The following CNTNAP4 variants were observed in gnomAD, a reference collection of about 807,000 sequenced individuals.
The protein encoded by CNTNAP4 is contactin associated protein family member 4, also known as contactin-associated protein-like 4.
In CNTNAP4, 98 loss-of-function variants were observed where a neutral mutation model predicts 148.4. The observed-to-expected ratio is 0.66, with a 90% CI of 0.56 to 0.78. The LOEUF is 0.78. Ranked by LOEUF, CNTNAP4 falls within the 30% of genes least tolerant of loss-of-function variation. The pLI is 0.00. For missense variants in CNTNAP4, 1,935 were observed against 1,565.6 expected, an observed-to-expected ratio of 1.24 and a Z score of -3.98; for synonymous variants, 730 against 565.1, an observed-to-expected ratio of 1.29 and a Z score of -4.14.
chr16:76,524,676 G>A (rs1464628931), intron 17 of CNTNAP4, among the ~76,000 whole-genome samples: 1 of 152,066 alleles, frequency 6.6e-6, no homozygotes, highest in East Asian at 1.9e-4. Flanking sequence ...TTTTAATAAG[G>A]ATCTGAAAGA....
intron 3 of CNTNAP4, among the ~76,000 whole-genome samples, chr16:76,359,436 C>G (rs1020567455): frequency 2.0e-5 from 3 of 150,826 alleles, no homozygotes; most frequent in African/African-American, 7.5e-5. Flanking sequence ...TCTTCATTCT[C>G]TCCTCATTTG....
At chr16:76,429,059 A>T (rs373182507) in intron 4 of CNTNAP4, among the ~76,000 whole-genome samples, 1 of 152,202 alleles carries the variant, frequency 6.6e-6, no homozygotes, top group Admixed American at 6.5e-5. Context: ...TGAATAACAG[A>T]GATGAGTCAG....
intron 1 of CNTNAP4, among the ~76,000 whole-genome samples, chr16:76,290,478 G>A (rs1959068411): frequency 6.6e-6 from 1 of 152,174 alleles, no homozygotes; most frequent in African/African-American, 2.4e-5. Flanking sequence ...TGAAGTGGCA[G>A]GCACTCGCTC....
At chr16:76,470,497 A>ATATATATATATATATATAT (rs398119511) in intron 10 of CNTNAP4, among the ~76,000 whole-genome samples, 37 of 137,392 alleles carry the variant, frequency 2.7e-4, no homozygotes, top group African/African-American at 7.5e-4. Flanking sequence ...ATATATATAT[A>ATATATATATATATATATAT]AAATTAGTCG....
intron 21 of CNTNAP4, among the ~76,000 whole-genome samples, chr16:76,542,629 A>C (rs1043582206): frequency 8.5e-5 from 13 of 152,158 alleles, no homozygotes; most frequent in Admixed American, 3.3e-4. Flanking sequence ...CAACCTCTGC[A>C]ATGAGGCAAT....
chr16:76,540,616 CTT>C (rs1195959605), intron 20 of CNTNAP4, 85 bp from the exon 21 acceptor site: 16 of 960,546 alleles, frequency 1.7e-5, no homozygotes, highest in Non-Finnish European at 2.3e-5. Flanking sequence ...CTTAATGTAT[CTT>C]TTTCTCTTGT....
At chr16:76,525,739 T>C (rs1336047688) in intron 17 of CNTNAP4, among the ~76,000 whole-genome samples, 1 of 26,452 alleles carries the variant, frequency 3.8e-5, no homozygotes, top group Non-Finnish European at 7.1e-5. Context: ...AAACTATATA[T>C]TGTATATAAT....
intron 2 of CNTNAP4, among the ~76,000 whole-genome samples, chr16:76,342,117 T>C (rs1295924004): frequency 1.5e-4 from 23 of 152,152 alleles, no homozygotes; most frequent in Non-Finnish European, 2.8e-4. Flanking sequence ...TCAAGAATCA[T>C]GCAAATCAGA....
At chr16:76,345,128 G>T (rs1443360394) in intron 2 of CNTNAP4, among the ~76,000 whole-genome samples, 2 of 152,144 alleles carry the variant, frequency 1.3e-5, no homozygotes, top group East Asian at 1.9e-4. Flanking sequence ...GATACTTCTT[G>T]TTGGCTATTC....
At chr16:76,428,065 T>C (rs1479149343) in intron 4 of CNTNAP4, among the ~76,000 whole-genome samples, 1 of 152,210 alleles carries the variant, frequency 6.6e-6, no homozygotes, top group Admixed American at 6.6e-5. Context: ...AAATGTGCTA[T>C]GCTGTCAGTA....
intron 3 of CNTNAP4, among the ~76,000 whole-genome samples, chr16:76,405,886 A>T (rs761474549): frequency 5.3e-5 from 8 of 152,224 alleles, no homozygotes; most frequent in Admixed American, 4.6e-4. Flanking sequence ...ATCAATCTCA[A>T]TTACTAAATG....
At chr16:76,501,223 A>G (rs572752689) in intron 15 of CNTNAP4, among the ~76,000 whole-genome samples, 1 of 152,354 alleles carries the variant, frequency 6.6e-6, no homozygotes, top group Admixed American at 6.5e-5. Flanking sequence ...ATTATGTGCA[A>G]AGAGATGAGG....
At chr16:76,481,649 G>A (rs533423275) in intron 12 of CNTNAP4, among the ~76,000 whole-genome samples, 2 of 152,158 alleles carry the variant, frequency 1.3e-5, no homozygotes, top group South Asian at 4.1e-4. Context: ...ACAATGAACA[G>A]TGTTAGAAGT....
rs1265694290 is a variant in CNTNAP4, at chr16:76,559,550, AATT to A, written c.*874_*876del. On this transcript the variant is annotated 3_prime_UTR_variant, in exon 24 of 24. Transcript: ENST00000611870. ...AAAAAAAATTCTTAACACAGCAAAA[AATT>A]ATTATTTAATTTACAACTGTAATAC... Among the ~76,000 whole-genome samples the A allele has an allele frequency of 6.6e-6, 1 of 152,182 alleles. No individual in the cohort carries two copies. Among genetic ancestry groups the A allele is most frequent in the African/African-American group, 2.4e-5 (1 of 41,442 alleles).
chr16:76,305,772 G>T (rs1960416832), intron 1 of CNTNAP4, among the ~76,000 whole-genome samples: 1 of 152,118 alleles, frequency 6.6e-6, no homozygotes, highest in African/African-American at 2.4e-5. Flanking sequence ...AGTGAGACTA[G>T]CACCCAACAG....
At chr16:76,359,284 C>A (rs1358726367) in intron 3 of CNTNAP4, among the ~76,000 whole-genome samples, 1 of 152,058 alleles carries the variant, frequency 6.6e-6, no homozygotes, top group Non-Finnish European at 1.5e-5. Context: ...CCACATGATG[C>A]AAATAAGTCT....
chr16:76,373,860 A>G (rs1597356532), intron 3 of CNTNAP4, among the ~76,000 whole-genome samples: 1 of 146,454 alleles, frequency 6.8e-6, no homozygotes, highest in South Asian at 2.2e-4. Flanking sequence ...ACGCCATTGC[A>G]CTCCAGCCTG....
rs1331975382 is a variant in CNTNAP4 at position 76,471,393 on chromosome 16, T to C, written c.1655+3870T>C. Among the ~76,000 whole-genome samples, 14 of 152,186 alleles carry C rather than the reference T, an allele frequency of 9.2e-5. No homozygotes were observed. The East Asian group carries it at 2.5e-3, about 27-fold the overall frequency. Reference sequence around the variant, plus strand: ...TATATCATTTGGTATCAAAGCACACTGGGGCTGCAGAGACCCCTGACAGGA... The same window carrying C: ...TATATCATTTGGTATCAAAGCACACCGGGGCTGCAGAGACCCCTGACAGGA... On this transcript the variant is annotated intron_variant, in intron 10 of 23. Transcript: ENST00000611870.
intron 23 of CNTNAP4, among the ~76,000 whole-genome samples, chr16:76,557,189 C>G (rs1451682441): frequency 6.6e-6 from 1 of 152,152 alleles, no homozygotes; most frequent in African/African-American, 2.4e-5. Context: ...TTTCCAAATT[C>G]AATTTTTCAT....
Sources: gnomAD v4.1 joint callset for allele counts (sites outside exome capture counted in the v4.1 genomes callset) on GRCh38, gnomAD v4.1.1 for gene constraint, MANE v1.5 for transcripts, NCBI Gene and HGNC (gene_info 2026-07-23, HGNC 2026-07-21) for gene names.